GRM7: variants seen among roughly 807,000 people sequenced by gnomAD.
GRM7 encodes the protein glutamate metabotropic receptor 7.
A neutral mutation model predicts 84.5 loss-of-function variants in GRM7; 35 were observed. The observed-to-expected ratio is 0.41, with a 90% CI of 0.32 to 0.55. The LOEUF (loss-of-function observed/expected upper bound fraction) is 0.55, where lower values mean the gene tolerates loss of function less well. Ranked by LOEUF, GRM7 falls within the 20% of genes least tolerant of loss-of-function variation. GRM7 has a pLI of 0.19. For synonymous variants in GRM7, 487 were observed against 455.1 expected (o/e 1.07, Z -0.89); for missense variants, 1,003 against 1,194.6 (o/e 0.84, Z 2.36).
chr3:7,182,586 A>G (rs1478177444), intron 2 of GRM7, among the ~76,000 whole-genome samples: 1 of 152,252 alleles, frequency 6.6e-6, no homozygotes, highest in African/African-American at 2.4e-5. Context: ...CATCAGGTTC[A>G]GAAACCAACT....
intron 5 of GRM7, among the ~76,000 whole-genome samples, chr3:7,435,454 C>T (rs1405897029): frequency 3.3e-5 from 5 of 152,008 alleles, no homozygotes; most frequent in African/African-American, 1.2e-4. Context: ...TTGTGCCCAG[C>T]TATGCCTTCT....
At chr3:7,649,603 C>A (rs930629743) in intron 8 of GRM7, among the ~76,000 whole-genome samples, 1 of 152,086 alleles carries the variant, frequency 6.6e-6, no homozygotes, top group African/African-American at 2.4e-5. Flanking sequence ...GTCACACATA[C>A]CCCCTTGCTA....
chr3:7,068,764 A>G (rs11917382), intron 1 of GRM7, among the ~76,000 whole-genome samples: 18,637 of 151,872 alleles, frequency 0.12, 1,688 homozygotes, highest in African/African-American at 0.26. Context: ...TTCATTCCAT[A>G]AGGTATGCCT....
chr3:6,891,709 T>G (rs1695956590), intron 1 of GRM7, among the ~76,000 whole-genome samples: 1 of 152,170 alleles, frequency 6.6e-6, no homozygotes, highest in Admixed American at 6.5e-5. Flanking sequence ...CAATTATGTG[T>G]GTTGGAGTTG....
intron 1 of GRM7, among the ~76,000 whole-genome samples, chr3:7,101,163 A>T (rs1699096910): frequency 6.6e-6 from 1 of 151,762 alleles, no homozygotes; most frequent in African/African-American, 2.4e-5. Flanking sequence ...GTTTAACTTT[A>T]TTAAAAACTC....
intron 2 of GRM7, among the ~76,000 whole-genome samples, chr3:7,257,825 A>G (rs1247669839): frequency 6.6e-6 from 1 of 152,110 alleles, no homozygotes; most frequent in Non-Finnish European, 1.5e-5. Context: ...TCCTTCTGAG[A>G]TATTCCTACA....
intron 7 of GRM7, among the ~76,000 whole-genome samples, chr3:7,560,814 A>C (rs1485030024): frequency 6.6e-6 from 1 of 152,120 alleles, no homozygotes; most frequent in African/African-American, 2.4e-5. Context: ...TTCTATCAGC[A>C]CATTATTTAT....
chr3:6,968,651 G>A (rs1442423508), intron 1 of GRM7, among the ~76,000 whole-genome samples: 1 of 152,036 alleles, frequency 6.6e-6, no homozygotes, highest in Admixed American at 6.6e-5. Context: ...TTTATTTTAT[G>A]ATCTTTTATT....
intron 8 of GRM7, chr3:7,606,935 C>A (rs1394189420): frequency 2.0e-5 from 3 of 152,064 alleles, no homozygotes; most frequent in Non-Finnish European, 4.4e-5. Context: ...TTACACACAA[C>A]AAAAATGGTA....
At chr3:7,259,423 C>A (rs1035292241) in intron 2 of GRM7, among the ~76,000 whole-genome samples, 1 of 151,978 alleles carries the variant, frequency 6.6e-6, no homozygotes, top group Non-Finnish European at 1.5e-5. Flanking sequence ...TTTTCTGATT[C>A]TTTTCCTCCT....
At chr3:7,426,457 T>C (rs1223114324) in intron 5 of GRM7, among the ~76,000 whole-genome samples, 1 of 152,174 alleles carries the variant, frequency 6.6e-6, no homozygotes, top group Non-Finnish European at 1.5e-5. Context: ...CACAGGGCCT[T>C]TGTATATGCT....
intron 1 of GRM7, 148 bp from the exon 2 acceptor site, chr3:7,146,304 G>A (rs1280764235): frequency 1.6e-6 from 1 of 642,226 alleles, no homozygotes; most frequent in African/African-American, 1.8e-5. Context: ...TTGCATTTAG[G>A]TGGTCTAAAA....
intron 2 of GRM7, among the ~76,000 whole-genome samples, chr3:7,189,409 A>T (rs545840279): frequency 6.6e-6 from 1 of 152,140 alleles, no homozygotes; most frequent in Non-Finnish European, 1.5e-5. Context: ...TCATCTATCA[A>T]ATGAAGACGA....
intron 1 of GRM7, among the ~76,000 whole-genome samples, chr3:6,885,531 G>T (rs1559306201): frequency 6.6e-6 from 1 of 152,158 alleles, no homozygotes; most frequent in Non-Finnish European, 1.5e-5. Flanking sequence ...GTTTGAGCTA[G>T]TCCATCATTT....
intron 1 of GRM7, among the ~76,000 whole-genome samples, chr3:7,131,512 C>T (rs1012307606): frequency 4.6e-5 from 7 of 152,134 alleles, no homozygotes; most frequent in Non-Finnish European, 8.8e-5. Flanking sequence ...TAGAGTCTCA[C>T]TCTGTTGCCA....
chr3:7,332,086 G>T (rs1412790760), intron 4 of GRM7, among the ~76,000 whole-genome samples: 5 of 152,106 alleles, frequency 3.3e-5, no homozygotes, highest in Non-Finnish European at 7.4e-5. Flanking sequence ...GAGTAGACTT[G>T]ACATCCTTGC....
At chr3:7,330,116 G>C (rs935410411) in intron 4 of GRM7, among the ~76,000 whole-genome samples, 3 of 152,056 alleles carry the variant, frequency 2.0e-5, no homozygotes, top group African/African-American at 7.2e-5. Context: ...AAAGATAGAA[G>C]GAATTCTCTC....
chr3:6,875,009 C>T (rs539925325), intron 1 of GRM7, among the ~76,000 whole-genome samples: 1 of 152,292 alleles, frequency 6.6e-6, no homozygotes, highest in South Asian at 2.1e-4. Flanking sequence ...TGGGGTCTTA[C>T]TCATCCTGAG....
intron 1 of GRM7, among the ~76,000 whole-genome samples, chr3:7,043,529 C>T (rs970761469): frequency 7.9e-5 from 12 of 152,150 alleles, no homozygotes; most frequent in Admixed American, 4.6e-4. Flanking sequence ...AAAGTTCTCT[C>T]GGATATTTTT....
Sources: gnomAD v4.1 joint callset for allele counts (sites outside exome capture counted in the v4.1 genomes callset) on GRCh38, gnomAD v4.1.1 for gene constraint, MANE v1.5 for transcripts, NCBI Gene and HGNC (gene_info 2026-07-23, HGNC 2026-07-21) for gene names.